Variants in SGPP2 observed in about 807,000 individuals in gnomAD.
The protein encoded by SGPP2 is sphingosine 1-phosphate phosphohydrolase 2.
In SGPP2, 30 loss-of-function variants were observed where a neutral mutation model predicts 33.9. The observed-to-expected ratio is 0.89, with a 90% confidence interval of 0.66 to 1.20. The LOEUF (loss-of-function observed/expected upper bound fraction) is 1.20, where lower values mean the gene tolerates loss of function less well. SGPP2 is among the 50% of genes most tolerant of loss of function. SGPP2 has a pLI of 0.00. For synonymous variants in SGPP2, 233 were observed against 225.0 expected (o/e 1.04, Z -0.32); for missense variants, 458 against 532.1 (o/e 0.86, Z 1.37).
intron 1 of SGPP2, among the ~76,000 whole-genome samples, chr2:222,462,095 G>A (rs1390530431): frequency 6.6e-6 from 1 of 152,072 alleles, no homozygotes; most frequent in African/African-American, 2.4e-5. Flanking sequence ...AGGCCTTAAA[G>A]CGTATGCTTG....
chr2:222,541,213 CTAAGT>C (rs1344966298), intron 4 of SGPP2, among the ~76,000 whole-genome samples: 1 of 152,202 alleles, frequency 6.6e-6, no homozygotes, highest in Admixed American at 6.5e-5. Context: ...TTCTAAAACT[CTAAGT>C]TAACTGTGGC....
chr2:222,551,842 T>C (rs2106155669), intron 4 of SGPP2, among the ~76,000 whole-genome samples: 1 of 152,356 alleles, frequency 6.6e-6, no homozygotes, highest in African/African-American at 2.4e-5. Flanking sequence ...GATTTTTATT[T>C]ATATATTGAA....
chr2:222,425,725 G>T (rs1440469366), intron 1 of SGPP2, among the ~76,000 whole-genome samples: 2 of 152,146 alleles, frequency 1.3e-5, no homozygotes, highest in African/African-American at 4.8e-5. Flanking sequence ...TTAATAATTC[G>T]AATTCCTTGT....
intron 1 of SGPP2, chr2:222,453,111 A>G: frequency 1.5e-6 from 1 of 681,712 alleles, no homozygotes; most frequent in East Asian, 2.8e-5. Context: ...GAGAATCAGG[A>G]CTATCCTCAG....
At chr2:222,545,981 C>G (rs1026566584) in intron 4 of SGPP2, among the ~76,000 whole-genome samples, 38 of 152,186 alleles carry the variant, frequency 2.5e-4, no homozygotes, top group Non-Finnish European at 1.3e-4. Flanking sequence ...AGCAAAGTAG[C>G]TGGCTTGCAG....
intron 2 of SGPP2, 149 bp from the exon 3 acceptor site, chr2:222,521,618 T>G (rs1054840005): frequency 2.7e-6 from 2 of 738,060 alleles, no homozygotes; most frequent in African/African-American, 3.7e-5. Context: ...AACTAAAATA[T>G]CCTACAAGAC....
At chr2:222,538,880 A>G (rs1378919058) in intron 4 of SGPP2, among the ~76,000 whole-genome samples, 1 of 152,202 alleles carries the variant, frequency 6.6e-6, no homozygotes, top group Admixed American at 6.5e-5. Flanking sequence ...CCCATGATCC[A>G]GTCACCTCCC....
At chr2:222,434,364 C>T (rs958887357) in intron 1 of SGPP2, among the ~76,000 whole-genome samples, 1 of 152,238 alleles carries the variant, frequency 6.6e-6, no homozygotes, top group African/African-American at 2.4e-5. Flanking sequence ...AGGTGTGTGA[C>T]TCATGTTTTT....
In SGPP2 at chr2:222,558,921, C is replaced by T. The variant is rs1020830615; in HGVS notation, c.*23C>T. On this transcript the variant is annotated 3_prime_UTR_variant, in exon 5 of 5. Transcript: ENST00000321276. ...TGAGTCTCAAACAGTTGGAAACTAGCCCACTGGACATGAAAGCCAAGACAT... is the reference window on the plus strand; with the variant it reads ...TGAGTCTCAAACAGTTGGAAACTAGTCCACTGGACATGAAAGCCAAGACAT... 3 of 1,586,532 alleles carry T rather than the reference C, an allele frequency of 1.9e-6. No individual in the cohort carries two copies. Among genetic ancestry groups the T allele is most frequent in the Non-Finnish European group, 2.6e-6 (3 of 1,159,530 alleles).
At chr2:222,543,720 C>T (rs1559175129) in intron 4 of SGPP2, among the ~76,000 whole-genome samples, 1 of 152,192 alleles carries the variant, frequency 6.6e-6, no homozygotes, top group African/African-American at 2.4e-5. Flanking sequence ...TTTGTCTATC[C>T]TCATGCCAGT....
chr2:222,512,126 C>T (rs989469836), intron 2 of SGPP2, among the ~76,000 whole-genome samples: 1 of 152,084 alleles, frequency 6.6e-6, no homozygotes, highest in East Asian at 1.9e-4. Context: ...GCCATTCTGC[C>T]TCAGCCTCCC....
intron 4 of SGPP2, among the ~76,000 whole-genome samples, chr2:222,535,602 G>A (rs928480020): frequency 7.2e-5 from 11 of 152,218 alleles, no homozygotes; most frequent in African/African-American, 2.4e-4. Context: ...GCTGGAGCAG[G>A]CACTGGGTCC....
chr2:222,427,928 A>C (rs1697096834), intron 1 of SGPP2, among the ~76,000 whole-genome samples: 1 of 152,220 alleles, frequency 6.6e-6, no homozygotes. Flanking sequence ...TCATTGAATA[A>C]ATTGGACTGG....
At chr2:222,458,314 C>A (rs1697603307) in intron 1 of SGPP2, among the ~76,000 whole-genome samples, 1 of 152,026 alleles carries the variant, frequency 6.6e-6, no homozygotes, top group Non-Finnish European at 1.5e-5. Context: ...CACATCCTCC[C>A]AAAGTGTTGG....
intron 3 of SGPP2, among the ~76,000 whole-genome samples, chr2:222,523,284 C>T (rs778284316): frequency 3.0e-4 from 46 of 152,244 alleles, no homozygotes; most frequent in Admixed American, 9.8e-4. Flanking sequence ...AACTTCATGC[C>T]GGGGTCAAAC....
intron 2 of SGPP2, among the ~76,000 whole-genome samples, chr2:222,484,997 C>G (rs1283459463): frequency 6.6e-6 from 1 of 152,202 alleles, no homozygotes; most frequent in Non-Finnish European, 1.5e-5. Flanking sequence ...TGCCCCTCCG[C>G]TACATGTACA....
chr2:222,485,776 C>T (rs984962676), intron 2 of SGPP2, among the ~76,000 whole-genome samples: 3 of 152,236 alleles, frequency 2.0e-5, no homozygotes, highest in African/African-American at 7.2e-5. Context: ...CCTCCAACTC[C>T]TCACCAGCTC....
chr2:222,437,059 A>G (rs747570985), intron 1 of SGPP2, among the ~76,000 whole-genome samples: 7 of 152,296 alleles, frequency 4.6e-5, no homozygotes, highest in Non-Finnish European at 8.8e-5. Context: ...AAAATGGGTC[A>G]TCCTAGCCAC....
At chr2:222,455,778 C>T (rs1296246826) in intron 1 of SGPP2, among the ~76,000 whole-genome samples, 4 of 152,138 alleles carry the variant, frequency 2.6e-5, no homozygotes, top group Admixed American at 6.5e-5. Flanking sequence ...ATGTAAAACT[C>T]GGCTAGGTGC....
Sources: allele counts gnomAD v4.1 joint callset (sites outside exome capture counted in the v4.1 genomes callset), GRCh38; gene constraint gnomAD v4.1.1; transcripts MANE v1.5; gene names NCBI Gene and HGNC (gene_info 2026-07-23, HGNC 2026-07-21).